Variants in PODXL observed in about 807,000 individuals in gnomAD.
PODXL encodes podocalyxin like, also known as podocalyxin.
PODXL carries 20 observed loss-of-function variants against 48.9 expected under a neutral mutation model. The observed-to-expected ratio is 0.41, with a 90% confidence interval of 0.29 to 0.59. The LOEUF (loss-of-function observed/expected upper bound fraction) is 0.59, where lower values mean the gene tolerates loss of function less well. Among genes scored for constraint, PODXL ranks in the 20% least tolerant of loss-of-function variants. The pLI is 0.31. For synonymous variants in PODXL, 295 were observed against 287.4 expected (o/e 1.03, Z -0.27); for missense variants, 606 against 675.1 (o/e 0.90, Z 1.13).
intron 1 of PODXL, among the ~76,000 whole-genome samples, chr7:131,532,104 A>AAATAATAATAATAAT (rs34353284): frequency 2.9e-5 from 4 of 137,214 alleles, no homozygotes; most frequent in Non-Finnish European, 6.2e-5. Flanking sequence ...CTCCATCTCA[A>AAATAATAATAATAAT]AATAATAATA....
chr7:131,527,569 T>A (rs1320315946), intron 1 of PODXL, among the ~76,000 whole-genome samples: 1 of 152,170 alleles, frequency 6.6e-6, no homozygotes, highest in Non-Finnish European at 1.5e-5. Context: ...GCAACCACCA[T>A]GTGCAGTTTC....
At position 131,534,726 on chromosome 7, in the gene PODXL, G is replaced by A. The variant is rs182016440; in HGVS notation, c.100+21534C>T. ...GGTAAGTGAGACTCTGGAGGAAGAA[G>A]GCAGGGAACTCAAATGTATTAAAAG... On this transcript the variant is annotated intron_variant, in intron 1 of 8. Transcript: ENST00000378555. Among the ~76,000 whole-genome samples the A allele has an allele frequency of 2.5e-3, 381 of 152,328 alleles. 2 individuals are homozygous for A. Among genetic ancestry groups the A allele is most frequent in the African/African-American group, 9.0e-3 (375 of 41,586 alleles).
chr7:131,514,317 G>C (rs1207555394), intron 1 of PODXL, among the ~76,000 whole-genome samples: 1 of 152,134 alleles, frequency 6.6e-6, no homozygotes, highest in Non-Finnish European at 1.5e-5. Context: ...AGGAGGCTGA[G>C]GCAGGAGAAT....
At position 131,518,281 on chromosome 7, in the gene PODXL, G is replaced by A. The variant is rs534448370; in HGVS notation, c.101-6848C>T. On this transcript the variant is annotated intron_variant, in intron 1 of 8. Coordinates refer to ENST00000378555, the MANE Select transcript of PODXL (RefSeq NM_001018111.3). ...AATACCAGGAGTCTTTCAAACATTC[G>A]AAATTAACTCTGTCTGCTTTAAAGA... is the stretch of plus-strand genomic sequence containing the variant. 8.9e-4 allele frequency among the ~76,000 whole-genome samples: 136 copies of A among 152,156 alleles called. 1 individual carries two copies. The highest frequency in any genetic ancestry group is 2.9e-3 in the African/African-American group (120 of 41,500).
chr7:131,548,851 C>T (rs144388865), intron 1 of PODXL, among the ~76,000 whole-genome samples: 1 of 152,340 alleles, frequency 6.6e-6, no homozygotes, highest in East Asian at 1.9e-4. Flanking sequence ...CGGCCCCCAC[C>T]TGCCACCTCT....
At chr7:131,520,374 C>T (rs1798072669) in intron 1 of PODXL, 1 of 463,784 alleles carries the variant, frequency 2.2e-6, no homozygotes, top group Admixed American at 2.4e-5. Context: ...AAGAATGTCC[C>T]ATACCTATCC....
intron 1 of PODXL, among the ~76,000 whole-genome samples, chr7:131,544,560 C>T (rs1457649512): frequency 6.6e-6 from 1 of 152,020 alleles, no homozygotes; most frequent in African/African-American, 2.4e-5. Context: ...TTGGGCGGTG[C>T]TCTCAGGGCC....
chr7:131,526,596 T>C (rs1765060833), intron 1 of PODXL, among the ~76,000 whole-genome samples: 2 of 151,796 alleles, frequency 1.3e-5, no homozygotes, highest in Non-Finnish European at 2.9e-5. Context: ...ACCCATCAGA[T>C]TGACAAACAT....
At chr7:131,516,990 G>T (rs1798008184) in intron 1 of PODXL, among the ~76,000 whole-genome samples, 1 of 152,108 alleles carries the variant, frequency 6.6e-6, no homozygotes, top group South Asian at 2.1e-4. Context: ...AAATTGCTGG[G>T]ATTACAGGTG....
rs371563504 is a variant in PODXL, at chr7:131,505,956, A to G, written c.1391T>C (p.Ile464Thr). 1.1e-5 allele frequency: 17 copies of G among 1,608,758 alleles called. No individual in the cohort carries two copies. The highest frequency in any genetic ancestry group is 3.3e-4 in the Middle Eastern group (2 of 6,082). The change falls in exon 8 of 9, where the codon ATC (isoleucine) becomes ACC (threonine). Residue 464 changes from isoleucine (I) to threonine (T), a missense_variant. Transcript: ENST00000378555. ...GAATGATGCCATGCAGACGATGGTG[A>G]TGATGAGGGGCATGCTGAAGCGGTC... The part of the protein sequence containing the change: ...AEDRFSMPLI[I>T]TIVCMASFLL...
At chr7:131,526,443 C>T (rs949339980) in intron 1 of PODXL, among the ~76,000 whole-genome samples, 1 of 151,406 alleles carries the variant, frequency 6.6e-6, no homozygotes, top group Admixed American at 6.6e-5. Flanking sequence ...TGTAGGTATG[C>T]CCCCAAAACT....
chr7:131,503,160 G>A lies in PODXL; in HGVS notation c.*1151C>T, dbSNP rs1797738084. Reference sequence around the variant, plus strand: ...AACAAAACTCTCAGCAACTTGAAATGTCCCTGAGTTTCCTATGATATACAG... The same window carrying A: ...AACAAAACTCTCAGCAACTTGAAATATCCCTGAGTTTCCTATGATATACAG... On this transcript the variant is annotated 3_prime_UTR_variant, in exon 9 of 9. Coordinates refer to ENST00000378555, the MANE Select transcript of PODXL (RefSeq NM_001018111.3). The A allele has an allele frequency of 6.5e-6, 1 of 152,700 alleles. No individual in the cohort carries two copies. Among genetic ancestry groups the A allele is most frequent in the South Asian group, 2.1e-4 (1 of 4,832 alleles). The allele number at this position is 152,700 out of a possible 1,614,324, so 9.5% of individuals were successfully genotyped here.
chr7:131,521,157 CA>C (rs35374057), intron 1 of PODXL, among the ~76,000 whole-genome samples: 50 of 134,796 alleles, frequency 3.7e-4, no homozygotes, highest in Admixed American at 4.5e-4. Context: ...GACTCCATCT[CA>C]AAAAAAAAAA....
At chr7:131,538,509 C>A (rs1584827652) in intron 1 of PODXL, among the ~76,000 whole-genome samples, 1 of 152,266 alleles carries the variant, frequency 6.6e-6, no homozygotes, top group African/African-American at 2.4e-5. Context: ...GAACCCCACC[C>A]CTACCCCCTA....
At chr7:131,508,805 C>A (rs1315791933) in intron 5 of PODXL, 146 bp downstream of exon 5, 2 of 689,480 alleles carry the variant, frequency 2.9e-6, no homozygotes, top group Non-Finnish European at 5.2e-6. Flanking sequence ...AGGACCACTT[C>A]CTACTAGGAA....
At chr7:131,515,835 T>G (rs1797985554) in intron 1 of PODXL, among the ~76,000 whole-genome samples, 1 of 152,184 alleles carries the variant, frequency 6.6e-6, no homozygotes, top group East Asian at 1.9e-4. Context: ...ATAACCTCAC[T>G]TCAGCTCATT....
intron 1 of PODXL, among the ~76,000 whole-genome samples, chr7:131,546,500 C>T (rs908683810): frequency 2.0e-5 from 3 of 151,712 alleles, no homozygotes; most frequent in East Asian, 1.9e-4. Context: ...CTGAGGCGGG[C>T]GGATCACTTG....
intron 1 of PODXL, among the ~76,000 whole-genome samples, chr7:131,552,342 T>C (rs1052617123): frequency 6.6e-6 from 1 of 152,146 alleles, no homozygotes; most frequent in Admixed American, 6.5e-5. Flanking sequence ...ATCTCAGAGA[T>C]GATGCCTGAG....
At chr7:131,537,326 C>T (rs13236463) in intron 1 of PODXL, among the ~76,000 whole-genome samples, 46,264 of 151,076 alleles carry the variant, frequency 0.31, 7,769 homozygotes, top group Admixed American at 0.48. Context: ...AAAAAAAAGC[C>T]AAGCACGGTG....
Sources: gnomAD v4.1 joint callset for allele counts (sites outside exome capture counted in the v4.1 genomes callset) on GRCh38, gnomAD v4.1.1 for gene constraint, MANE v1.5 for transcripts, NCBI Gene and HGNC (gene_info 2026-07-23, HGNC 2026-07-21) for gene names.